Variants in POLD3 observed in about 807,000 individuals in gnomAD.
POLD3 encodes the protein DNA polymerase delta 3, accessory subunit, also known as DNA polymerase delta subunit 3.
In POLD3, 19 loss-of-function variants were observed where a neutral mutation model predicts 58.2. That is an observed-to-expected ratio of 0.33 (90% CI 0.23 to 0.48). The LOEUF (loss-of-function observed/expected upper bound fraction) is 0.48. Ranked by LOEUF, POLD3 falls within the 20% of genes least tolerant of loss-of-function variation. The pLI is 0.99. For missense variants in POLD3, 504 were observed against 545.5 expected (o/e 0.92, Z 0.76); for synonymous variants, 172 against 193.5 (o/e 0.89, Z 0.92).
intron 2 of POLD3, among the ~76,000 whole-genome samples, chr11:74,602,643 A>G (rs1427628634): frequency 3.9e-5 from 6 of 152,062 alleles, no homozygotes; most frequent in African/African-American, 1.5e-4. Context: ...TTGCCCCTCT[A>G]CAGTATATCA....
chr11:74,599,651 C>T (rs1045977199), intron 2 of POLD3, among the ~76,000 whole-genome samples: 8 of 151,918 alleles, frequency 5.3e-5, no homozygotes, highest in African/African-American at 1.9e-4. Flanking sequence ...CTTGAGCCAC[C>T]GTGCCTGGCC....
downstream of POLD3, among the ~76,000 whole-genome samples, chr11:74,643,781 C>G (rs910756883): frequency 3.9e-5 from 6 of 152,214 alleles, no homozygotes; most frequent in African/African-American, 1.4e-4. Context: ...AGTTGGTTCT[C>G]AGTTAAGAGT....
chr11:74,606,310 C>T (rs188625272), intron 3 of POLD3, among the ~76,000 whole-genome samples: 205 of 152,312 alleles, frequency 1.3e-3, no homozygotes, highest in African/African-American at 4.7e-3. Context: ...AGTTCTGCCA[C>T]TGTAGAGCTC....
At position 74,642,295 on chromosome 11, in the gene POLD3, T is replaced by C. The variant is rs1220114115; in HGVS notation, c.*1529T>C. 1.0e-6 allele frequency: 1 copy of C among 985,152 alleles called. No individual in the cohort carries two copies. The highest frequency in any genetic ancestry group is 1.7e-5 in the African/African-American group (1 of 57,234). 61.0% of individuals were successfully genotyped at this position (985,152 alleles called of 1,614,324 possible). A position where few individuals can be genotyped will look rare whatever the true frequency, so the allele number is the denominator to read the frequency against. On this transcript the variant is annotated 3_prime_UTR_variant, in exon 12 of 12. Coordinates refer to ENST00000263681, the MANE Select transcript of POLD3 (RefSeq NM_006591.3). The stretch of plus-strand genomic sequence containing the variant: ...CTTTGTATAGCAAGCTGAGTAAAGG[T>C]TGACATATTCCAAAACCCTTCTTTT...
chr11:74,618,298 T>G (rs2032141969), intron 5 of POLD3, among the ~76,000 whole-genome samples: 1 of 152,208 alleles, frequency 6.6e-6, no homozygotes, highest in Non-Finnish European at 1.5e-5. Flanking sequence ...ACTAACTAGA[T>G]GTATAACCTA....
At chr11:74,615,220 T>C (rs1398033852) in intron 5 of POLD3, among the ~76,000 whole-genome samples, 1 of 152,230 alleles carries the variant, frequency 6.6e-6, no homozygotes, top group African/African-American at 2.4e-5. Flanking sequence ...GAGGATTAAA[T>C]GGACTATTAT....
intron 3 of POLD3, among the ~76,000 whole-genome samples, chr11:74,609,372 A>ATATTTTTTT (rs2031821525): frequency 3.7e-5 from 1 of 27,210 alleles, no homozygotes; most frequent in African/African-American, 1.9e-4. Flanking sequence ...ATATATATAT[A>ATATTTTTTT]TTTTTTTTTT....
chr11:74,651,821 G>A (rs946324271), intron 4 of POLD3, among the ~76,000 whole-genome samples: 1 of 152,178 alleles, frequency 6.6e-6, no homozygotes, highest in African/African-American at 2.4e-5. Flanking sequence ...AACCTTGTCG[G>A]CTATGGTAAG....
Position 74,594,171 on chromosome 11 carries a change from T to A in POLD3, c.116+55T>A, listed in dbSNP as rs1310074425. The A allele has an allele frequency of 3.6e-5, 38 of 1,066,182 alleles. 1 individual carries two copies. Among genetic ancestry groups the A allele is most frequent in the Non-Finnish European group, 5.1e-5 (35 of 683,618 alleles). The allele number at this position is 1,066,182 out of a possible 1,614,324, so 66.0% of individuals were successfully genotyped here. A position where few individuals can be genotyped will look rare whatever the true frequency, so the allele number is the denominator to read the frequency against. The stretch of plus-strand genomic sequence containing the variant: ...ATATTGGAATTTTTTTTTGTTTTGT[T>A]ATGCTTTGCTTTTAACTCTACAGAT... On this transcript the variant is annotated intron_variant, in intron 2 of 11. Coordinates refer to ENST00000263681, the MANE Select transcript of POLD3 (RefSeq NM_006591.3).
intron 2 of POLD3, among the ~76,000 whole-genome samples, chr11:74,602,864 G>C (rs1246351113): frequency 1.3e-5 from 2 of 152,104 alleles, no homozygotes; most frequent in Admixed American, 1.3e-4. Flanking sequence ...TCAGAACCTT[G>C]GTATTTGCTG....
At chr11:74,603,848 C>T (rs2031586550) in intron 2 of POLD3, among the ~76,000 whole-genome samples, 1 of 152,020 alleles carries the variant, frequency 6.6e-6, no homozygotes, top group South Asian at 2.1e-4. Flanking sequence ...AAATGTTTCT[C>T]AAAATAAAAG....
rs574467316 is a variant in POLD3, at chr11:74,665,055, G to A, written c.370-3722G>A. 1.4e-3 allele frequency among the ~76,000 whole-genome samples: 208 copies of A among 151,540 alleles called. 1 individual carries two copies. Among genetic ancestry groups the A allele is most frequent in the Non-Finnish European group, 2.5e-3 (169 of 67,888 alleles). On this transcript the variant is annotated intron_variant, in intron 4 of 4. Transcript: ENST00000524752. ...ACAGAGGTTGCAGTGAGCTGAGACC[G>A]CACCACTGCACTCCAGCCTGGTCAA... is the stretch of plus-strand genomic sequence containing the variant.
At chr11:74,599,018 T>C (rs570362824) in intron 2 of POLD3, among the ~76,000 whole-genome samples, 71 of 152,332 alleles carry the variant, frequency 4.7e-4, no homozygotes, top group African/African-American at 1.6e-3. Flanking sequence ...ACATACTGAA[T>C]GAATACCAAG....
At chr11:74,611,685 A>T in intron 4 of POLD3, 147 bp downstream of exon 4, 1 of 600,682 alleles carries the variant, frequency 1.7e-6, no homozygotes, top group East Asian at 3.4e-5. Flanking sequence ...TTTTTAAAGC[A>T]TGTTAAAATA....
At position 74,641,600 on chromosome 11, in the gene POLD3, C is replaced by T. The variant is rs1353466151; in HGVS notation, c.*834C>T. On this transcript the variant is annotated 3_prime_UTR_variant, in exon 12 of 12. Transcript: ENST00000263681. ...GGTTTGTTGATCCCCTCCTCCCCCA[C>T]TCTCAATACCTAGAGAGTGAAACCC... 7.1e-6 allele frequency: 7 copies of T among 985,326 alleles called. No individual in the cohort carries two copies. Among genetic ancestry groups the T allele is most frequent in the African/African-American group, 1.7e-5 (1 of 57,232 alleles). The allele number at this position is 985,326 out of a possible 1,614,324, so 61.0% of individuals were successfully genotyped here.
intron 2 of POLD3, among the ~76,000 whole-genome samples, chr11:74,602,609 G>GCTT (rs2031541682): frequency 6.6e-6 from 1 of 151,742 alleles, no homozygotes; most frequent in Non-Finnish European, 1.5e-5. Flanking sequence ...TATTGCAATA[G>GCTT]CCTAACTGGT....
rs775753051 is a variant in POLD3, at chr11:74,592,614, G to A, written c.-45G>A. On this transcript the variant is annotated 5_prime_UTR_variant, in exon 1 of 12. The change creates a new upstream start codon in the 5' untranslated region. Transcript: ENST00000263681. ...TTTCCCGCCGGCGGGAGCTGTGGCT[G>A]TGATTGAGAGAGGGGTTAGAGGCGG... 1.2e-6 allele frequency: 2 copies of A among 1,610,848 alleles called. No individual in the cohort carries two copies. The highest frequency in any genetic ancestry group is 1.7e-6 in the Non-Finnish European group (2 of 1,178,276).
At chr11:74,605,555 G>A (rs778438431) in intron 3 of POLD3, among the ~76,000 whole-genome samples, 1 of 152,124 alleles carries the variant, frequency 6.6e-6, no homozygotes, top group Non-Finnish European at 1.5e-5. Flanking sequence ...CCTCCCAAAA[G>A]TAAGGCATAC....
chr11:74,607,252 T>TGTA (rs2031717454), intron 3 of POLD3, among the ~76,000 whole-genome samples: 2 of 144,940 alleles, frequency 1.4e-5, no homozygotes, highest in African/African-American at 5.1e-5. Context: ...ATATATTTAT[T>TGTA]TATTTATTTA....
Sources: gnomAD v4.1 joint callset for allele counts (sites outside exome capture counted in the v4.1 genomes callset) on GRCh38, gnomAD v4.1.1 for gene constraint, MANE v1.5 for transcripts, NCBI Gene and HGNC (gene_info 2026-07-23, HGNC 2026-07-21) for gene names.